Variants in RASAL2 observed in about 807,000 individuals in gnomAD.
The protein encoded by RASAL2 is RAS protein activator like 2, also known as ras GTPase-activating protein nGAP.
RASAL2 carries 58 observed loss-of-function variants against 128.9 expected under a neutral mutation model. That is an observed-to-expected ratio of 0.45 (90% CI 0.36 to 0.56). The LOEUF is 0.56. RASAL2 is among the 20% of genes least tolerant of loss of function. The pLI is 0.00. For missense variants in RASAL2, 1,360 were observed against 1,601.6 expected (o/e 0.85, Z 2.57); for synonymous variants, 561 against 580.8 (o/e 0.97, Z 0.49).
chr1:178,289,339 C>A (rs534798973), intron 2 of RASAL2, among the ~76,000 whole-genome samples: 34 of 152,170 alleles, frequency 2.2e-4, no homozygotes, highest in African/African-American at 7.2e-4. Context: ...TTACAGATTT[C>A]TCTTCTTCTC....
chr1:178,141,595 G>A (rs962432009), intron 1 of RASAL2, among the ~76,000 whole-genome samples: 11 of 145,906 alleles, frequency 7.5e-5, no homozygotes, highest in Non-Finnish European at 1.3e-4. Flanking sequence ...GAGGTTGGCC[G>A]TCGACTGCTC....
chr1:178,451,127 C>T (rs146257574), intron 9 of RASAL2, among the ~76,000 whole-genome samples: 214 of 152,258 alleles, frequency 1.4e-3, no homozygotes, highest in African/African-American at 4.8e-3. Context: ...TACTTGCATC[C>T]GTGTTTGGCA....
At chr1:178,246,929 G>A (rs1021322676) in intron 1 of RASAL2, among the ~76,000 whole-genome samples, 1 of 152,232 alleles carries the variant, frequency 6.6e-6, no homozygotes, top group South Asian at 2.1e-4. Context: ...CCTTGATTGT[G>A]GTGGATAAGC....
At chr1:178,282,239 GA>G (rs1323679635) in intron 1 of RASAL2, among the ~76,000 whole-genome samples, 1 of 152,120 alleles carries the variant, frequency 6.6e-6, no homozygotes, top group African/African-American at 2.4e-5. Flanking sequence ...TCTTTGGGGG[GA>G]GTTGATAAAC....
chr1:178,384,991 C>CTAT (rs1011122484), intron 3 of RASAL2, among the ~76,000 whole-genome samples: 1 of 151,950 alleles, frequency 6.6e-6, no homozygotes, highest in African/African-American at 2.4e-5. Flanking sequence ...GATATTTGAC[C>CTAT]GTATAGTAAT....
At chr1:178,332,485 A>G (rs867396630) in intron 3 of RASAL2, among the ~76,000 whole-genome samples, 17 of 152,060 alleles carry the variant, frequency 1.1e-4, no homozygotes, top group Non-Finnish European at 1.9e-4. Flanking sequence ...AGCCTAGGCA[A>G]TAAAGAACAA....
At chr1:178,258,601 A>G (rs1399707949) in intron 1 of RASAL2, among the ~76,000 whole-genome samples, 1 of 152,222 alleles carries the variant, frequency 6.6e-6, no homozygotes, top group Non-Finnish European at 1.5e-5. Flanking sequence ...AGAATCAAAA[A>G]GTCAGATAAT....
intron 1 of RASAL2, among the ~76,000 whole-genome samples, chr1:178,096,203 C>T (rs1483016821): frequency 6.6e-6 from 1 of 152,142 alleles, no homozygotes; most frequent in Non-Finnish European, 1.5e-5. Context: ...GTAGTTACAA[C>T]GTTTTCCCAT....
At chr1:178,372,628 A>G (rs1480391758) in intron 3 of RASAL2, among the ~76,000 whole-genome samples, 2 of 152,122 alleles carry the variant, frequency 1.3e-5, no homozygotes, top group African/African-American at 4.8e-5. Context: ...TGCCAACCAA[A>G]ATAATATTAT....
At chr1:178,440,476 C>G (rs1676563394) in intron 6 of RASAL2, among the ~76,000 whole-genome samples, 1 of 151,952 alleles carries the variant, frequency 6.6e-6, no homozygotes, top group Admixed American at 6.6e-5. Flanking sequence ...TTTACACTTG[C>G]AGCACATCTC....
chr1:178,194,748 C>G (rs947620963), intron 1 of RASAL2: 2 of 164,098 alleles, frequency 1.2e-5, no homozygotes, highest in African/African-American at 4.8e-5. Context: ...ACTTCTCCAA[C>G]TGCTGCACTG....
intron 3 of RASAL2, among the ~76,000 whole-genome samples, chr1:178,371,455 G>A (rs779388039): frequency 2.6e-5 from 4 of 151,738 alleles, no homozygotes; most frequent in East Asian, 1.9e-4. Context: ...CCACCAGCTC[G>A]AATTCTTATG....
chr1:178,215,653 A>G (rs1297516446), intron 1 of RASAL2, among the ~76,000 whole-genome samples: 2 of 152,196 alleles, frequency 1.3e-5, no homozygotes, highest in Non-Finnish European at 2.9e-5. Flanking sequence ...GGTCCTAAAG[A>G]TAGTTTCTTC....
At chr1:178,309,371 A>G (rs1421112887) in intron 3 of RASAL2, among the ~76,000 whole-genome samples, 1 of 152,176 alleles carries the variant, frequency 6.6e-6, no homozygotes, top group Non-Finnish European at 1.5e-5. Flanking sequence ...TTCCACATTA[A>G]TAGATGGCAG....
intron 5 of RASAL2, among the ~76,000 whole-genome samples, chr1:178,435,919 C>T (rs2102816385): frequency 6.6e-6 from 1 of 152,138 alleles, no homozygotes; most frequent in Middle Eastern, 3.4e-3. Flanking sequence ...TCAGATTGGA[C>T]TGGGAATCAT....
intron 3 of RASAL2, among the ~76,000 whole-genome samples, chr1:178,324,610 A>G (rs1277656211): frequency 2.0e-5 from 3 of 152,076 alleles, no homozygotes; most frequent in African/African-American, 7.2e-5. Flanking sequence ...TGCATCTTGA[A>G]ATATATTTGG....
chr1:178,376,787 G>T (rs952399895), intron 3 of RASAL2, among the ~76,000 whole-genome samples: 2 of 152,086 alleles, frequency 1.3e-5, no homozygotes, highest in African/African-American at 4.8e-5. Context: ...GCACCGAATA[G>T]GTACTTAGTA....
At chr1:178,315,523 C>A (rs1217205951) in intron 3 of RASAL2, among the ~76,000 whole-genome samples, 2 of 143,622 alleles carry the variant, frequency 1.4e-5, no homozygotes, top group Non-Finnish European at 3.0e-5. Context: ...TTTTGATTTG[C>A]ATTTCTCTGA....
chr1:178,325,214 G>C (rs1195230702), intron 3 of RASAL2, among the ~76,000 whole-genome samples: 2 of 152,106 alleles, frequency 1.3e-5, no homozygotes, highest in Admixed American at 1.3e-4. Flanking sequence ...GAAGAGTAGA[G>C]AATAACATAG....
Sources: allele counts gnomAD v4.1 joint callset (sites outside exome capture counted in the v4.1 genomes callset), GRCh38; gene constraint gnomAD v4.1.1; transcripts MANE v1.5; gene names NCBI Gene and HGNC (gene_info 2026-07-23, HGNC 2026-07-21).